The following IPO5 variants were observed in gnomAD, a reference collection of about 807,000 sequenced individuals.
The protein encoded by IPO5 is importin 5, also known as importin-5.
Under a neutral mutation model 143.3 loss-of-function variants are expected in IPO5, and 18 were observed. The observed-to-expected ratio is 0.13, with a 90% CI of 0.09 to 0.19. The LOEUF is 0.19. IPO5 is among the 10% of genes least tolerant of loss of function. The probability of loss-of-function intolerance (pLI) is 1.00; values close to 1 mark genes in which losing one functional copy is unlikely to be tolerated. For missense variants in IPO5, 1,013 were observed against 1,336.9 expected (o/e 0.76, Z 3.78); for synonymous variants, 477 against 465.7 (o/e 1.02, Z -0.31).
intron 11 of IPO5, among the ~76,000 whole-genome samples, chr13:97,994,124 T>G (rs907046039): frequency 6.6e-5 from 10 of 152,126 alleles, no homozygotes; most frequent in African/African-American, 2.4e-4. Flanking sequence ...CTGGCTAACA[T>G]GCTAAAACCC....
intron 5 of IPO5, among the ~76,000 whole-genome samples, chr13:97,984,646 G>A (rs921483682): frequency 4.6e-5 from 7 of 152,048 alleles, no homozygotes; most frequent in Non-Finnish European, 8.8e-5. Context: ...GAAAAAAATA[G>A]CCAATTTTAT....
At position 97,969,153 on chromosome 13, in the gene IPO5, GTATA is replaced by G. The variant is rs1210544640; in HGVS notation, c.-112-550_-112-547del. ...CTTAGAAATGAAATCTTTCTGCTAA[GTATA>G]TATATATATATATATATATTTTTTT... On this transcript the variant is annotated intron_variant, in intron 2 of 28. Coordinates refer to ENST00000651721, the MANE Select transcript of IPO5 (RefSeq NM_002271.6). 2.4e-3 allele frequency among the ~76,000 whole-genome samples: 155 copies of G among 63,416 alleles called. 3 individuals carry two copies. The highest frequency in any genetic ancestry group is 7.7e-3 in the African/African-American group (132 of 17,134). 41.6% of individuals were successfully genotyped at this position (63,416 alleles called of 152,430 possible). A position where few individuals can be genotyped will look rare whatever the true frequency, so the allele number is the denominator to read the frequency against.
intron 2 of IPO5, among the ~76,000 whole-genome samples, chr13:97,965,307 T>C (rs1015634243): frequency 6.6e-6 from 1 of 152,054 alleles, no homozygotes; most frequent in African/African-American, 2.4e-5. Flanking sequence ...TGTATACCTA[T>C]GTAACAAACC....
At chr13:98,004,874 T>C (rs1889084299) in intron 16 of IPO5, among the ~76,000 whole-genome samples, 1 of 151,162 alleles carries the variant, frequency 6.6e-6, no homozygotes, top group Admixed American at 6.6e-5. Context: ...TATGAGTTAA[T>C]ATTTTATTTT....
intron 22 of IPO5, among the ~76,000 whole-genome samples, chr13:98,015,242 T>TTG (rs1179382229): frequency 0.17 from 24,524 of 147,704 alleles, 4,259 homozygotes; most frequent in African/African-American, 0.45. Flanking sequence ...TAGGAGCTGG[T>TTG]TGTGTGTGTG....
At chr13:98,011,431 C>G (rs1408858450) in intron 20 of IPO5, among the ~76,000 whole-genome samples, 3 of 152,088 alleles carry the variant, frequency 2.0e-5, no homozygotes, top group Non-Finnish European at 4.4e-5. Context: ...GCTAGGATTA[C>G]AGGTGCACGC....
intron 6 of IPO5, 78 bp from the exon 7 acceptor site, chr13:97,988,984 A>G: frequency 2.6e-6 from 2 of 759,096 alleles, no homozygotes; most frequent in African/African-American, 1.8e-5. Context: ...AATGAGGCTT[A>G]TGAAATGAAA....
intron 11 of IPO5, among the ~76,000 whole-genome samples, 181 bp from the exon 12 acceptor site, chr13:97,997,350 C>T (rs918769635): frequency 1.3e-5 from 2 of 151,906 alleles, no homozygotes; most frequent in African/African-American, 4.8e-5. Flanking sequence ...TTTAAAGAAA[C>T]GATAAAAGCA....
In IPO5 at chr13:98,024,067, T is replaced by G. The variant is rs1228076965; in HGVS notation, c.*2245T>G. 2 of 152,220 alleles carry G rather than the reference T, an allele frequency of 1.3e-5. No individual in the cohort carries two copies. The highest frequency in any genetic ancestry group is 2.9e-5 in the Non-Finnish European group (2 of 68,040). The allele number at this position is 152,220 out of a possible 1,614,324, so 9.4% of individuals were successfully genotyped here. ...GCTATTTCTGGAGGGGAAAAATGTG[T>G]GTGGCTCTTACGTTTTCTGGGAATT... On this transcript the variant is annotated 3_prime_UTR_variant, in exon 29 of 29. Coordinates refer to ENST00000651721, the MANE Select transcript of IPO5 (RefSeq NM_002271.6).
chr13:97,983,826 A>G (rs1887069232), intron 5 of IPO5, among the ~76,000 whole-genome samples: 1 of 151,672 alleles, frequency 6.6e-6, no homozygotes, highest in Non-Finnish European at 1.5e-5. Flanking sequence ...TGTTCTCTCA[A>G]CCACTTTAAA....
At chr13:97,969,447 G>T (rs1885644971) in intron 2 of IPO5, among the ~76,000 whole-genome samples, 1 of 152,018 alleles carries the variant, frequency 6.6e-6, no homozygotes, top group African/African-American at 2.4e-5. Context: ...CTCCCAAAGT[G>T]CTGGGATTAT....
In IPO5 at chr13:97,993,037, C is replaced by T. The variant is rs186857665; in HGVS notation, c.792+23C>T. The T allele has an allele frequency of 8.0e-4, 1,288 of 1,611,246 alleles. 2 individuals are homozygous for T. Among genetic ancestry groups the T allele is most frequent in the Middle Eastern group, 5.8e-3 (35 of 6,052 alleles). On this transcript the variant is annotated intron_variant, in intron 10 of 28. Transcript: ENST00000651721. ...AAGGTAAATTAAGTACGTTAGTAAA[C>T]GTTCTGTTTGTTATTTTCAGGGACT...
rs142625900 is a variant in IPO5 at position 98,011,826 on chromosome 13, A to G, written c.2056-420A>G. Among the ~76,000 whole-genome samples, 1,120 of 152,302 alleles carry G rather than the reference A, an allele frequency of 7.4e-3. 3 individuals carry two copies. The highest frequency in any genetic ancestry group is 0.019 in the South Asian group (90 of 4,824). Reference sequence around the variant, plus strand: ...AGCCATGATTTTTTAAAAATACAAAATAACAGAAGCGTTTTCTACAGATTT... The same window carrying G: ...AGCCATGATTTTTTAAAAATACAAAGTAACAGAAGCGTTTTCTACAGATTT... On this transcript the variant is annotated intron_variant, in intron 20 of 28. Transcript: ENST00000651721.
intron 27 of IPO5, among the ~76,000 whole-genome samples, chr13:98,020,539 A>G (rs1424444597): frequency 2.6e-5 from 4 of 151,978 alleles, no homozygotes; most frequent in African/African-American, 7.3e-5. Context: ...GGAAACGACT[A>G]CTCTGAAATT....
chr13:97,976,853 C>G, intron 4 of IPO5, 67 bp downstream of exon 4: 1 of 591,740 alleles, frequency 1.7e-6, no homozygotes, highest in South Asian at 2.3e-5. Context: ...CGACGCCAGC[C>G]GCACCGGGCC....
chr13:97,985,654 A>T, intron 6 of IPO5, 41 bp downstream of exon 6: 7 of 1,281,080 alleles, frequency 5.5e-6, no homozygotes, highest in South Asian at 1.3e-5. Flanking sequence ...GAACATGGGT[A>T]TATCCTTCCT....
Position 97,969,825 on chromosome 13 carries a change from A to T in IPO5, c.-10A>T. ...GAAAACTAGAAGCAACAGAAAACAC[A>T]ATAAGGTAACTGATTTCACCTGGGG... is the stretch of plus-strand genomic sequence containing the variant. On this transcript the variant is annotated 5_prime_UTR_variant, in exon 3 of 29. Coordinates refer to ENST00000651721, the MANE Select transcript of IPO5 (RefSeq NM_002271.6). 1 of 1,610,374 alleles carries T rather than the reference A, an allele frequency of 6.2e-7. No individual in the cohort carries two copies. The highest frequency in any genetic ancestry group is 8.5e-7 in the Non-Finnish European group (1 of 1,177,334).
chr13:98,018,812 G>A (rs1890287450), intron 26 of IPO5, 108 bp downstream of exon 26: 3 of 754,446 alleles, frequency 4.0e-6, no homozygotes, highest in Middle Eastern at 6.6e-4. Context: ...TTCTGCTGTA[G>A]TCTGTTTTCA....
chr13:97,975,049 T>C (rs1446338303), intron 3 of IPO5, among the ~76,000 whole-genome samples: 1 of 152,180 alleles, frequency 6.6e-6, no homozygotes, highest in Non-Finnish European at 1.5e-5. Context: ...TGCAGCAGAA[T>C]AGCCAACAGG....
Sources: gnomAD v4.1 joint callset for allele counts (sites outside exome capture counted in the v4.1 genomes callset) on GRCh38, gnomAD v4.1.1 for gene constraint, MANE v1.5 for transcripts, NCBI Gene and HGNC (gene_info 2026-07-23, HGNC 2026-07-21) for gene names.